The following ST6GALNAC5 variants were observed in gnomAD, a reference collection of about 807,000 sequenced individuals.
The protein encoded by ST6GALNAC5 is alpha-N-acetylgalactosaminide alpha-2,6-sialyltransferase 5.
ST6GALNAC5 carries 27 observed loss-of-function variants against 33.6 expected under a neutral mutation model. The ratio of observed to expected loss-of-function variants is 0.80; its 90% CI spans 0.59 to 1.11. The LOEUF (loss-of-function observed/expected upper bound fraction) is 1.11, where lower values mean the gene tolerates loss of function less well. ST6GALNAC5 is among the 50% of genes least tolerant of loss of function. The pLI is 0.00. For synonymous variants in ST6GALNAC5, 194 were observed against 171.2 expected (o/e 1.13, Z -1.04); for missense variants, 428 against 454.0 (o/e 0.94, Z 0.52).
chr1:77,048,155 C>T (rs966749914), intron 3 of ST6GALNAC5, among the ~76,000 whole-genome samples: 1 of 152,230 alleles, frequency 6.6e-6, no homozygotes, highest in Non-Finnish European at 1.5e-5. Flanking sequence ...TCCTGTGCAG[C>T]CACATCCTCC....
At position 77,064,919 on chromosome 1, in the gene ST6GALNAC5, T is replaced by A. The variant is rs1050838066; in HGVS notation, c.*1713T>A. The A allele has an allele frequency of 1.3e-5, 2 of 152,232 alleles. No individual in the cohort carries two copies. The highest frequency in any genetic ancestry group is 2.1e-4 in the South Asian group (1 of 4,836). 9.4% of individuals were successfully genotyped at this position (152,232 alleles called of 1,614,324 possible). A position where few individuals can be genotyped will look rare whatever the true frequency, so the allele number is the denominator to read the frequency against. On this transcript the variant is annotated 3_prime_UTR_variant, in exon 5 of 5. Transcript: ENST00000477717. Reference sequence around the variant, plus strand: ...CTATTAATTACACGGAGTATTGTTGTTAAAATGCAAACACAATCAGGGTAC... The same window carrying A: ...CTATTAATTACACGGAGTATTGTTGATAAAATGCAAACACAATCAGGGTAC...
intron 2 of ST6GALNAC5, among the ~76,000 whole-genome samples, chr1:76,938,444 T>C (rs892559620): frequency 3.3e-5 from 5 of 151,998 alleles, no homozygotes; most frequent in Non-Finnish European, 5.9e-5. Context: ...AGGGAAATGA[T>C]TGAAGATGAG....
chr1:76,974,207 C>CTTTTT (rs766393000), intron 2 of ST6GALNAC5, among the ~76,000 whole-genome samples: 57 of 120,286 alleles, frequency 4.7e-4, no homozygotes, highest in African/African-American at 1.7e-3. Flanking sequence ...TTGCTTTTCA[C>CTTTTT]TTTTTTTTTT....
chr1:76,977,186 T>C (rs1649045721), intron 2 of ST6GALNAC5, among the ~76,000 whole-genome samples: 1 of 152,212 alleles, frequency 6.6e-6, no homozygotes, highest in African/African-American at 2.4e-5. Context: ...TTTTTATTTA[T>C]AGTTGACATA....
At chr1:76,949,711 C>T (rs370616411) in intron 2 of ST6GALNAC5, among the ~76,000 whole-genome samples, 3 of 152,058 alleles carry the variant, frequency 2.0e-5, no homozygotes, top group South Asian at 2.1e-4. Flanking sequence ...TTGATCAACT[C>T]GAGAGGCATC....
chr1:77,060,225 C>A (rs938306763), intron 4 of ST6GALNAC5: 1 of 152,204 alleles, frequency 6.6e-6, no homozygotes. Context: ...TCCATTCCTG[C>A]CTCCCCAGCC....
intron 3 of ST6GALNAC5, among the ~76,000 whole-genome samples, chr1:77,048,559 G>A (rs990070597): frequency 6.6e-6 from 1 of 152,148 alleles, no homozygotes; most frequent in Non-Finnish European, 1.5e-5. Context: ...TGAGAAAGAA[G>A]GAAAATCATT....
chr1:76,907,349 C>A lies in ST6GALNAC5; in HGVS notation c.261+38607C>A, dbSNP rs1460298352. ...CCTGTTCCTATTATCTCTGAGAACA[C>A]CCAACCCTGCTTGGTGGCAGCAAGG... On this transcript the variant is annotated intron_variant, in intron 2 of 4. Coordinates refer to ENST00000477717, the MANE Select transcript of ST6GALNAC5 (RefSeq NM_030965.3). Among the ~76,000 whole-genome samples the A allele has an allele frequency of 3.9e-5, 6 of 152,230 alleles. No homozygotes were observed. In the East Asian group the frequency reaches 9.7e-4, roughly 25 times the overall value.
rs199663 is a variant in ST6GALNAC5 at position 77,066,917 on chromosome 1, A to G, written c.*3711A>G. On this transcript the variant is annotated 3_prime_UTR_variant, in exon 5 of 5. Transcript: ENST00000477717. Reference sequence around the variant, plus strand: ...TTTTTAAACTAAAGATCTATCTGGGAAACAGATTTGGGGTAGGTCCTGCCA... The same window carrying G: ...TTTTTAAACTAAAGATCTATCTGGGGAACAGATTTGGGGTAGGTCCTGCCA... Among the ~76,000 whole-genome samples the G allele has an allele frequency of 0.39, 58,651 of 152,060 alleles. 12,135 individuals carry two copies. Among genetic ancestry groups the G allele is most frequent in the African/African-American group, 0.54 (22,202 of 41,446 alleles).
intron 3 of ST6GALNAC5, among the ~76,000 whole-genome samples, chr1:77,048,655 GAA>G (rs1428401657): frequency 1.1e-4 from 16 of 152,208 alleles, no homozygotes; most frequent in African/African-American, 3.6e-4. Context: ...CCCAGTAGCA[GAA>G]TGTTGGAAGA....
At chr1:76,955,777 T>C (rs1647933445) in intron 2 of ST6GALNAC5, among the ~76,000 whole-genome samples, 1 of 152,208 alleles carries the variant, frequency 6.6e-6, no homozygotes, top group Non-Finnish European at 1.5e-5. Flanking sequence ...GTCTTTTTCA[T>C]TTTAAGTTTT....
At chr1:77,036,122 T>C (rs1375787523) in intron 2 of ST6GALNAC5, among the ~76,000 whole-genome samples, 2 of 152,184 alleles carry the variant, frequency 1.3e-5, no homozygotes, top group African/African-American at 2.4e-5. Context: ...TGAATTTTGA[T>C]GAACCTCAAA....
intron 2 of ST6GALNAC5, among the ~76,000 whole-genome samples, chr1:76,959,474 A>G (rs858600): frequency 0.41 from 61,617 of 152,086 alleles, 12,793 homozygotes; most frequent in Admixed American, 0.53. Flanking sequence ...ACAATAGAAC[A>G]TAAGGAAACA....
At chr1:76,873,365 G>T (rs1367903782) in intron 2 of ST6GALNAC5, among the ~76,000 whole-genome samples, 1 of 152,104 alleles carries the variant, frequency 6.6e-6, no homozygotes, top group East Asian at 1.9e-4. Flanking sequence ...AAGTTTATTT[G>T]TCTATTTTCT....
intron 2 of ST6GALNAC5, among the ~76,000 whole-genome samples, chr1:76,958,965 T>C (rs2100347294): frequency 6.6e-6 from 1 of 152,300 alleles, no homozygotes; most frequent in South Asian, 2.1e-4. Context: ...TGATTTTATC[T>C]GTGCTCTTCC....
intron 2 of ST6GALNAC5, among the ~76,000 whole-genome samples, chr1:76,963,552 G>C (rs1648333664): frequency 6.6e-6 from 1 of 152,198 alleles, no homozygotes; most frequent in Non-Finnish European, 1.5e-5. Context: ...GCCTGGTCTG[G>C]TTTAGGTGAC....
chr1:77,058,127 T>C (rs1652460137), intron 4 of ST6GALNAC5, among the ~76,000 whole-genome samples: 1 of 151,334 alleles, frequency 6.6e-6, no homozygotes, highest in African/African-American at 2.4e-5. Flanking sequence ...GGGAAAGGAG[T>C]TTTTCCAAGA....
chr1:76,988,336 A>G (rs1038003144), intron 2 of ST6GALNAC5, among the ~76,000 whole-genome samples: 4 of 151,980 alleles, frequency 2.6e-5, no homozygotes, highest in Admixed American at 6.6e-5. Flanking sequence ...TTTTAATTAA[A>G]TTATTCACTC....
At chr1:76,878,176 G>C (rs999016789) in intron 2 of ST6GALNAC5, among the ~76,000 whole-genome samples, 2 of 152,168 alleles carry the variant, frequency 1.3e-5, no homozygotes, top group African/African-American at 4.8e-5. Context: ...ATGCGATATT[G>C]TTTTTGATTT....
Sources: gnomAD v4.1 joint callset for allele counts (sites outside exome capture counted in the v4.1 genomes callset) on GRCh38, gnomAD v4.1.1 for gene constraint, MANE v1.5 for transcripts, NCBI Gene and HGNC (gene_info 2026-07-23, HGNC 2026-07-21) for gene names.